The following BLNK variants were observed in gnomAD, a reference collection of about 807,000 sequenced individuals.
BLNK encodes the protein B-cell linker protein.
BLNK carries 29 observed loss-of-function variants against 73.5 expected under a neutral mutation model. That is an observed-to-expected ratio of 0.39 (90% CI 0.29 to 0.54). The LOEUF is 0.54. BLNK is among the 20% of genes least tolerant of loss of function. BLNK has a pLI of 0.61. For synonymous variants in BLNK, 176 were observed against 200.8 expected, an observed-to-expected ratio of 0.88 and a Z score of 1.04; for missense variants, 460 against 562.8, an observed-to-expected ratio of 0.82 and a Z score of 1.85.
chr10:96,235,239 C>T (rs1458300405), intron 3 of BLNK, among the ~76,000 whole-genome samples: 2 of 152,192 alleles, frequency 1.3e-5, no homozygotes, highest in Non-Finnish European at 2.9e-5. Flanking sequence ...GCCTCAGCTT[C>T]CCCTTTGCTA....
chr10:96,208,671 A>G (rs2083878925), intron 9 of BLNK, among the ~76,000 whole-genome samples: 1 of 152,214 alleles, frequency 6.6e-6, no homozygotes, highest in South Asian at 2.1e-4. Flanking sequence ...CTTAATTTAA[A>G]AACCCTCACC....
intron 1 of BLNK, among the ~76,000 whole-genome samples, chr10:96,262,043 G>T (rs542457029): frequency 6.6e-6 from 1 of 152,084 alleles, no homozygotes; most frequent in Non-Finnish European, 1.5e-5. Flanking sequence ...CTTAGGTGTG[G>T]TCTCCCACCT....
rs1554901812 is a variant in BLNK at position 96,223,916 on chromosome 10, C to G, written c.435G>C (p.Glu145Asp). The G allele has an allele frequency of 3.1e-6, 5 of 1,613,688 alleles. No individual in the cohort carries two copies. In the South Asian group the frequency reaches 5.5e-5, roughly 18 times the overall value. The change falls in exon 6 of 17, where the codon GAG becomes GAC. Residue 145 changes from glutamate to aspartate, a missense_variant. Transcript: ENST00000224337. ...TLPSKPSWPS[E>D]KARLTSTLPA... ...GCAGGGTGGAGGTGAGCCTTGCTTT[C>G]TCTGAAGGCCAGCTGGGCTTACTGG... is the stretch of plus-strand genomic sequence containing the variant.
chr10:96,268,201 A>G (rs1844100880), intron 1 of BLNK, among the ~76,000 whole-genome samples: 2 of 152,222 alleles, frequency 1.3e-5, no homozygotes, highest in African/African-American at 4.8e-5. Context: ...AGCACAGATG[A>G]TGAATCAATT....
chr10:96,233,506 AC>A (rs66781325), intron 3 of BLNK, among the ~76,000 whole-genome samples: 10,956 of 152,224 alleles, frequency 0.072, 499 homozygotes, highest in Middle Eastern at 0.14. Flanking sequence ...CTGTCCCACC[AC>A]CGACTTCTTG....
chr10:96,254,468 T>C (rs1041809668), intron 1 of BLNK, among the ~76,000 whole-genome samples: 2 of 152,164 alleles, frequency 1.3e-5, no homozygotes, highest in South Asian at 4.1e-4. Context: ...CCCGAGGAGC[T>C]GACTGTGTAC....
chr10:96,222,414 T>C (rs921595892), intron 6 of BLNK, among the ~76,000 whole-genome samples: 2 of 152,228 alleles, frequency 1.3e-5, no homozygotes, highest in Admixed American at 6.5e-5. Context: ...CTGTCCTTAT[T>C]TAAAATGCAG....
At chr10:96,245,017 G>A (rs536898065) in intron 2 of BLNK, among the ~76,000 whole-genome samples, 23 of 152,140 alleles carry the variant, frequency 1.5e-4, no homozygotes, top group African/African-American at 5.5e-4. Context: ...GTCTCATAAA[G>A]AATGAGATTC....
At chr10:96,206,949 A>G in intron 11 of BLNK, 62 bp downstream of exon 11, 2 of 1,508,530 alleles carry the variant, frequency 1.3e-6, no homozygotes, top group Middle Eastern at 3.4e-4. Context: ...ATGTGTACAT[A>G]CAAATCCTTA....
intron 3 of BLNK, among the ~76,000 whole-genome samples, chr10:96,236,433 G>A (rs1206923383): frequency 6.6e-5 from 10 of 152,194 alleles, no homozygotes; most frequent in Admixed American, 3.9e-4. Flanking sequence ...CACCAGTGCC[G>A]CCCTAAGAGG....
In BLNK at chr10:96,230,024, G is replaced by C. The variant is rs587694426; in HGVS notation, c.204+770C>G. 2.0e-5 allele frequency among the ~76,000 whole-genome samples: 3 copies of C among 152,234 alleles called. No homozygotes were observed. The South Asian group carries it at 6.2e-4, about 32-fold the overall frequency. ...AAATGGGTATGTGGTTGTATGGAAG[G>C]CTTCTTGGATCCCTTCCAGATCTAA... On this transcript the variant is annotated intron_variant, in intron 4 of 16. Coordinates refer to ENST00000224337, the MANE Select transcript of BLNK (RefSeq NM_013314.4).
intron 4 of BLNK, 39 bp from the exon 5 acceptor site, chr10:96,227,605 G>T (rs374319148): frequency 1.9e-6 from 3 of 1,612,626 alleles, no homozygotes; most frequent in Non-Finnish European, 2.5e-6. Context: ...CAGCATCCCC[G>T]TCTGTGCTGC....
chr10:96,193,345 T>C (rs1280283111), intron 16 of BLNK, among the ~76,000 whole-genome samples: 7 of 152,194 alleles, frequency 4.6e-5, no homozygotes, highest in African/African-American at 1.7e-4. Context: ...CACAATCTCT[T>C]TGAAGTGGAT....
chr10:96,259,978 T>C (rs114874677), intron 1 of BLNK, among the ~76,000 whole-genome samples: 3 of 152,242 alleles, frequency 2.0e-5, no homozygotes, highest in Middle Eastern at 3.4e-3. Context: ...GTCACTTGAT[T>C]TGACAGCTGA....
intron 1 of BLNK, among the ~76,000 whole-genome samples, chr10:96,267,748 C>A (rs1339057680): frequency 6.6e-6 from 1 of 152,192 alleles, no homozygotes; most frequent in South Asian, 2.1e-4. Flanking sequence ...ACAAAATAGT[C>A]AAAATAGTCA....
chr10:96,269,851 G>A (rs1485611626), intron 1 of BLNK, among the ~76,000 whole-genome samples: 2 of 152,094 alleles, frequency 1.3e-5, no homozygotes, highest in East Asian at 3.8e-4. Context: ...GACCGTACTT[G>A]TGTTAAGCTT....
At chr10:96,263,240 G>C (rs1355918595) in intron 1 of BLNK, among the ~76,000 whole-genome samples, 1 of 152,226 alleles carries the variant, frequency 6.6e-6, no homozygotes, top group Non-Finnish European at 1.5e-5. Flanking sequence ...TCCGAGCACA[G>C]GACCCTGTGC....
rs377607473 is a variant in BLNK at position 96,253,882 on chromosome 10, A to G, written c.48-6833T>C. Among the ~76,000 whole-genome samples, 1,192 of 152,000 alleles carry G rather than the reference A, an allele frequency of 7.8e-3. 19 individuals carry two copies. The highest frequency in any genetic ancestry group is 0.027 in the African/African-American group (1,118 of 41,480). The stretch of plus-strand genomic sequence containing the variant: ...TACAAAAAAAAAAAATTAGCCGGGC[A>G]TGGTGGCGGGCGCCTGTAGTCCCAG... On this transcript the variant is annotated intron_variant, in intron 1 of 16. Coordinates refer to ENST00000224337, the MANE Select transcript of BLNK (RefSeq NM_013314.4).
chr10:96,206,107 G>A lies in BLNK; in HGVS notation c.817+904C>T, dbSNP rs188265037. On this transcript the variant is annotated intron_variant, in intron 11 of 16. Transcript: ENST00000224337. The stretch of plus-strand genomic sequence containing the variant: ...AGACAGGATGAAAAAACCTAATGGC[G>A]TCATTAAAGCAGAGAGGTGAGTTGT... Among the ~76,000 whole-genome samples the A allele has an allele frequency of 4.2e-4, 64 of 152,298 alleles. No homozygotes were observed. The East Asian group carries it at 4.8e-3, about 11-fold the overall frequency.
Sources: allele counts gnomAD v4.1 joint callset (sites outside exome capture counted in the v4.1 genomes callset), GRCh38; gene constraint gnomAD v4.1.1; transcripts MANE v1.5; gene names NCBI Gene and HGNC (gene_info 2026-07-23, HGNC 2026-07-21).